Variants in DIP2B observed in about 807,000 individuals in gnomAD.
The protein encoded by DIP2B is DIP2 acetate--CoA ligase B (putative).
DIP2B carries 76 observed loss-of-function variants against 198.0 expected under a neutral mutation model. The observed-to-expected ratio is 0.38, with a 90% confidence interval of 0.32 to 0.46. The LOEUF (loss-of-function observed/expected upper bound fraction) is 0.46, where lower values mean the gene tolerates loss of function less well. Among genes scored for constraint, DIP2B ranks in the 20% least tolerant of loss-of-function variants. The probability of loss-of-function intolerance (pLI) is 0.99; values close to 1 mark genes in which losing one functional copy is unlikely to be tolerated. For missense variants in DIP2B, 1,559 were observed against 1,978.4 expected (o/e 0.79, Z 4.02); for synonymous variants, 701 against 739.1 (o/e 0.95, Z 0.84).
At position 50,731,411 on chromosome 12, in the gene DIP2B, G is replaced by A; in HGVS notation, c.3684G>A (p.Glu1228=). ...GHQSVLIPPM[E]LENNLFLWLS... The stretch of plus-strand genomic sequence containing the variant: ...AGTCTGTCTTAATTCCTCCTATGGA[G>A]TTAGAGAACAACCTTTTCCTCTGGC... Residue 1228 remains glutamate, a synonymous_variant, in exon 31 of 38, where the codon GAG becomes GAA. Transcript: ENST00000301180. 1 of 1,614,188 alleles carries A rather than the reference G, an allele frequency of 6.2e-7. No individual in the cohort carries two copies. Among genetic ancestry groups the A allele is most frequent in the Non-Finnish European group, 8.5e-7 (1 of 1,180,022 alleles).
At chr12:50,683,518 ACGCC>A (rs1939080552) in intron 10 of DIP2B, among the ~76,000 whole-genome samples, 1 of 152,198 alleles carries the variant, frequency 6.6e-6, no homozygotes, top group South Asian at 2.1e-4. Flanking sequence ...GCAGTGGCTC[ACGCC>A]TGTAATCACA....
intron 1 of DIP2B, among the ~76,000 whole-genome samples, chr12:50,527,643 G>C (rs1958178710): frequency 6.6e-6 from 1 of 152,180 alleles, no homozygotes; most frequent in Non-Finnish European, 1.5e-5. Flanking sequence ...CTTTGGAGTT[G>C]AGGCTGCAGT....
intron 30 of DIP2B, among the ~76,000 whole-genome samples, 167 bp from the exon 31 acceptor site, chr12:50,731,202 C>T (rs559060329): frequency 6.6e-6 from 1 of 152,278 alleles, no homozygotes; most frequent in African/African-American, 2.4e-5. Context: ...CATAGTTGCT[C>T]CTTTTGCGAG....
At chr12:50,506,610 C>T (rs1284516320) in intron 1 of DIP2B, among the ~76,000 whole-genome samples, 3 of 152,092 alleles carry the variant, frequency 2.0e-5, no homozygotes, top group Non-Finnish European at 4.4e-5. Flanking sequence ...CGGCCAGTCC[C>T]GGGAATCACT....
At chr12:50,702,447 A>G (rs1233469426) in intron 19 of DIP2B, among the ~76,000 whole-genome samples, 1 of 152,056 alleles carries the variant, frequency 6.6e-6, no homozygotes, top group Non-Finnish European at 1.5e-5. Context: ...CTGTAATCCC[A>G]GCTACTCAGG....
intron 22 of DIP2B, among the ~76,000 whole-genome samples, chr12:50,713,942 ATTATT>A (rs1373789906): frequency 5.3e-5 from 8 of 152,256 alleles, no homozygotes; most frequent in Admixed American, 2.0e-4. Flanking sequence ...AAGAAAAAAA[ATTATT>A]TTAAATTAGC....
At chr12:50,571,353 G>A (rs1958612031) in intron 1 of DIP2B, among the ~76,000 whole-genome samples, 1 of 151,670 alleles carries the variant, frequency 6.6e-6, no homozygotes, top group Admixed American at 6.6e-5. Context: ...TATATTTTTA[G>A]TAGAGATGGG....
chr12:50,647,546 G>A (rs984135729), intron 3 of DIP2B, among the ~76,000 whole-genome samples: 4 of 152,134 alleles, frequency 2.6e-5, no homozygotes, highest in Admixed American at 6.5e-5. Flanking sequence ...GAAGTTAGTC[G>A]TTGCTGCCTC....
chr12:50,738,052 G>T (rs1468334100), intron 35 of DIP2B, among the ~76,000 whole-genome samples: 3 of 152,044 alleles, frequency 2.0e-5, no homozygotes, highest in Non-Finnish European at 4.4e-5. Flanking sequence ...AATAATAATA[G>T]CACTGGTGGC....
intron 30 of DIP2B, among the ~76,000 whole-genome samples, chr12:50,729,772 C>T: frequency 6.7e-6 from 1 of 150,310 alleles, no homozygotes; most frequent in Non-Finnish European, 1.5e-5. Flanking sequence ...CTCTGTTGCC[C>T]AGGCTGGAGT....
chr12:50,532,435 A>C (rs1036723022), intron 1 of DIP2B, among the ~76,000 whole-genome samples: 3 of 152,152 alleles, frequency 2.0e-5, no homozygotes, highest in Non-Finnish European at 4.4e-5. Context: ...GGATCGCTTG[A>C]ATCTGGGAGG....
At chr12:50,568,145 A>G (rs1002919193) in intron 1 of DIP2B, among the ~76,000 whole-genome samples, 2 of 152,118 alleles carry the variant, frequency 1.3e-5, no homozygotes, top group Admixed American at 1.3e-4. Flanking sequence ...GACCCTGCCT[A>G]AGCACTAATC....
intron 3 of DIP2B, chr12:50,654,871 A>G (rs111350340): frequency 7.3e-5 from 20 of 272,708 alleles, no homozygotes; most frequent in African/African-American, 4.3e-4. Context: ...AAGCTAGACA[A>G]CACACTCTGA....
chr12:50,716,429 G>A lies in DIP2B; in HGVS notation c.2851+1833G>A, dbSNP rs543766000. 2.6e-5 allele frequency among the ~76,000 whole-genome samples: 4 copies of A among 152,144 alleles called. No homozygotes were observed. The East Asian group carries it at 7.7e-4, about 29-fold the overall frequency. On this transcript the variant is annotated intron_variant, in intron 23 of 37. Coordinates refer to ENST00000301180, the MANE Select transcript of DIP2B (RefSeq NM_173602.3). Reference sequence around the variant, plus strand: ...AGGCAGGAGAATGGCGTGAACCCGGGAGGCAGGAGAATGGCGTGAACCTGG... The same window carrying A: ...AGGCAGGAGAATGGCGTGAACCCGGAAGGCAGGAGAATGGCGTGAACCTGG...
At chr12:50,514,795 C>T (rs1958049364) in intron 1 of DIP2B, among the ~76,000 whole-genome samples, 1 of 151,952 alleles carries the variant, frequency 6.6e-6, no homozygotes, top group South Asian at 2.1e-4. Context: ...GTAGCTGGGA[C>T]TACAGGTACA....
chr12:50,633,963 A>G (rs1223573954), intron 2 of DIP2B, among the ~76,000 whole-genome samples: 4 of 152,290 alleles, frequency 2.6e-5, no homozygotes, highest in East Asian at 1.9e-4. Flanking sequence ...CTTTTAACAA[A>G]TTAAAATTTA....
At chr12:50,694,536 CATACATACATACATACATACAT>C (rs1939274659) in intron 14 of DIP2B, among the ~76,000 whole-genome samples, 2 of 102,612 alleles carry the variant, frequency 1.9e-5, no homozygotes, top group African/African-American at 3.1e-5. Flanking sequence ...TACATACATA[CATACATACATACATACATACAT>C]ACACCAGTCC....
At chr12:50,511,387 G>A (rs1297566371) in intron 1 of DIP2B, among the ~76,000 whole-genome samples, 1 of 127,884 alleles carries the variant, frequency 7.8e-6, no homozygotes, top group Non-Finnish European at 1.6e-5. Context: ...CGCCTTCCGG[G>A]CTCAAGCGAT....
At chr12:50,686,736 C>T (rs1939137566) in intron 12 of DIP2B, 54 bp downstream of exon 12, 1 of 1,518,560 alleles carries the variant, frequency 6.6e-7, no homozygotes, top group Non-Finnish European at 8.9e-7. Flanking sequence ...GCTTTGCTTG[C>T]CACCTTTCAA....
Sources: gnomAD v4.1 joint callset for allele counts (sites outside exome capture counted in the v4.1 genomes callset) on GRCh38, gnomAD v4.1.1 for gene constraint, MANE v1.5 for transcripts, NCBI Gene and HGNC (gene_info 2026-07-23, HGNC 2026-07-21) for gene names.